ADGRE1: variants seen among roughly 807,000 people sequenced by gnomAD.
ADGRE1 encodes adhesion G protein-coupled receptor E1, also known as EGF-like module receptor 1.
Under a neutral mutation model 102.7 loss-of-function variants are expected in ADGRE1, and 82 were observed. The observed-to-expected ratio is 0.80, with a 90% CI of 0.67 to 0.96. The LOEUF is 0.96. ADGRE1 is among the 40% of genes least tolerant of loss of function. ADGRE1 has a pLI of 0.00. For missense variants in ADGRE1, 1,032 were observed against 1,085.3 expected (o/e 0.95, Z 0.69); for synonymous variants, 398 against 399.6 (o/e 1.00, Z 0.05).
intron 13 of ADGRE1, among the ~76,000 whole-genome samples, 199 bp downstream of exon 13, chr19:6,919,946 T>C (rs1599749122): frequency 1.3e-5 from 2 of 152,268 alleles, no homozygotes; most frequent in East Asian, 3.9e-4. Context: ...ACTAGGTCCA[T>C]TTGCCCATGT....
chr19:6,927,109 T>C (rs1388473821), intron 16 of ADGRE1, among the ~76,000 whole-genome samples: 1 of 152,004 alleles, frequency 6.6e-6, no homozygotes, highest in Non-Finnish European at 1.5e-5. Context: ...CATGACGGAA[T>C]GGTTGTTGTG....
chr19:6,919,360 G>A (rs1189866983), intron 12 of ADGRE1, among the ~76,000 whole-genome samples, 188 bp from the exon 13 acceptor site: 1 of 147,028 alleles, frequency 6.8e-6, no homozygotes, highest in Non-Finnish European at 1.5e-5. Context: ...GGTTCTAGAA[G>A]CCCGCTGGTT....
chr19:6,920,608 T>C (rs2354114), intron 13 of ADGRE1, among the ~76,000 whole-genome samples: 43,208 of 137,128 alleles, frequency 0.32, 7,500 homozygotes, highest in African/African-American at 0.51. Flanking sequence ...ACTGCAACCC[T>C]CACCTCCTCG....
chr19:6,936,110 C>T (rs1183047937), intron 18 of ADGRE1, among the ~76,000 whole-genome samples: 2 of 152,122 alleles, frequency 1.3e-5, no homozygotes, highest in Non-Finnish European at 2.9e-5. Flanking sequence ...AATCCCTTAT[C>T]CATTTTAAAT....
At chr19:6,898,491 T>C (rs759209485) in intron 5 of ADGRE1, 31 of 1,575,910 alleles carry the variant, frequency 2.0e-5, no homozygotes, top group Non-Finnish European at 2.7e-5. Flanking sequence ...CAGGGATGGG[T>C]CTTGAGTGGA....
chr19:6,922,937 C>T lies in ADGRE1; in HGVS notation c.1791+1054C>T, dbSNP rs562626427. ...CTAAAAATACAAAAAATTAGCCGGG[C>T]GTGGTGGCGGGCACCTGCAGTCCAA... On this transcript the variant is annotated intron_variant, in intron 14 of 20. Transcript: ENST00000312053. Among the ~76,000 whole-genome samples the T allele has an allele frequency of 1.3e-4, 19 of 151,980 alleles. No individual in the cohort carries two copies. In the South Asian group the frequency reaches 3.5e-3, roughly 28 times the overall value.
intron 2 of ADGRE1, among the ~76,000 whole-genome samples, chr19:6,891,767 A>G (rs1015783357): frequency 6.6e-6 from 1 of 152,040 alleles, no homozygotes; most frequent in Non-Finnish European, 1.5e-5. Flanking sequence ...GGACTTTTTC[A>G]AAAGGGCTTT....
chr19:6,907,773 A>T (rs996714775), intron 9 of ADGRE1, among the ~76,000 whole-genome samples: 12 of 152,184 alleles, frequency 7.9e-5, no homozygotes, highest in African/African-American at 2.9e-4. Context: ...GGAATCATGC[A>T]ATGTTTGCTC....
chr19:6,907,629 G>A (rs556311806), intron 9 of ADGRE1, among the ~76,000 whole-genome samples: 8 of 152,042 alleles, frequency 5.3e-5, no homozygotes, highest in East Asian at 1.9e-4. Context: ...TGTGAGCACC[G>A]TGCTCAGCCA....
At chr19:6,925,282 G>A (rs11669272) in intron 15 of ADGRE1, among the ~76,000 whole-genome samples, 44,506 of 151,994 alleles carry the variant, frequency 0.29, 7,607 homozygotes, top group African/African-American at 0.46. Flanking sequence ...CACTATGCCC[G>A]GCTAATTTTT....
chr19:6,896,807 C>G (rs545882513), intron 3 of ADGRE1: 80 of 506,624 alleles, frequency 1.6e-4, no homozygotes, highest in South Asian at 1.2e-3. Context: ...TACTTCCCCA[C>G]CCTTCCTCTC....
rs1280867334 is a variant in ADGRE1 at position 6,926,566 on chromosome 19, C to T, written c.2187C>T (p.Ala729=). The T allele has an allele frequency of 1.2e-6, 2 of 1,614,202 alleles. No individual in the cohort carries two copies. The part of the protein sequence containing the change: ...GLPMLVVVIS[A]SVQPQGYGMH... ...CGATGCTGGTGGTGGTGATCTCTGC[C>T]AGTGTGCAGCCACAGGGCTATGGAA... Residue 729 remains alanine (A), a synonymous_variant, in exon 16 of 21, where the codon GCC becomes GCT. Transcript: ENST00000312053.
chr19:6,935,133 GA>G, intron 18 of ADGRE1, 55 bp downstream of exon 18: 3 of 1,453,882 alleles, frequency 2.1e-6, no homozygotes, highest in Non-Finnish European at 2.8e-6. Context: ...CTTCTTCCCA[GA>G]AAAGTTCTTT....
intron 18 of ADGRE1, 52 bp downstream of exon 18, chr19:6,935,130 C>T (rs761508299): frequency 4.1e-6 from 6 of 1,462,246 alleles, no homozygotes; most frequent in African/African-American, 1.4e-5. Context: ...TTTCTTCTTC[C>T]CAGAAAAGTT....
intron 5 of ADGRE1, 146 bp from the exon 6 acceptor site, chr19:6,901,729 G>T (rs2144907200): frequency 1.2e-6 from 1 of 853,218 alleles, no homozygotes; most frequent in Middle Eastern, 3.5e-4. Context: ...CCCACTGTGT[G>T]CCTGGGAAGA....
intron 17 of ADGRE1, 84 bp downstream of exon 17, chr19:6,928,295 G>A (rs775889276): frequency 9.3e-6 from 15 of 1,609,924 alleles, no homozygotes; most frequent in East Asian, 2.2e-5. Flanking sequence ...TTCCAGGGAC[G>A]TGTGCAGCTG....
rs1975622692 is a variant in ADGRE1, at chr19:6,940,377, C to T, written c.*348C>T. The T allele has an allele frequency of 2.9e-6, 1 of 347,900 alleles. No homozygotes were observed. Among genetic ancestry groups the T allele is most frequent in the Non-Finnish European group, 5.3e-6 (1 of 189,116 alleles). 21.6% of individuals were successfully genotyped at this position (347,900 alleles called of 1,614,324 possible). On this transcript the variant is annotated 3_prime_UTR_variant, in exon 21 of 21. Transcript: ENST00000312053. ...GTGCATGGTTCTAAGCATGCCCCTC[C>T]AGAGCCTATCATACGCCTGATACAG...
chr19:6,904,527 CTTT>C (rs561401517), intron 8 of ADGRE1, among the ~76,000 whole-genome samples: 10 of 134,720 alleles, frequency 7.4e-5, no homozygotes, highest in Non-Finnish European at 6.5e-5. Context: ...AAAAAGTGTG[CTTT>C]TTTTTTTTTT....
intron 17 of ADGRE1, among the ~76,000 whole-genome samples, chr19:6,934,419 CTTT>C (rs71177132): frequency 3.1e-5 from 3 of 95,442 alleles, no homozygotes; most frequent in Non-Finnish European, 3.9e-5. Context: ...TCTTCTTCTT[CTTT>C]TTTTTTTTTT....
Sources: allele counts gnomAD v4.1 joint callset (sites outside exome capture counted in the v4.1 genomes callset), GRCh38; gene constraint gnomAD v4.1.1; transcripts MANE v1.5; gene names NCBI Gene and HGNC (gene_info 2026-07-23, HGNC 2026-07-21).